The following KLHL26 variants were observed in gnomAD, a reference collection of about 807,000 sequenced individuals.
KLHL26 encodes kelch-like protein 26.
KLHL26 carries 4 observed loss-of-function variants against 7.1 expected under a neutral mutation model. The observed-to-expected ratio is 0.56, with a 90% CI of 0.28 to 1.28. The LOEUF (loss-of-function observed/expected upper bound fraction) is 1.28, where lower values mean the gene tolerates loss of function less well. Among genes scored for constraint, KLHL26 ranks in the 50% most tolerant of loss-of-function variants. The pLI, the probability that KLHL26 is intolerant of heterozygous loss-of-function variation, is 0.11. For synonymous variants in KLHL26, 465 were observed against 414.1 expected, an observed-to-expected ratio of 1.12 and a Z score of -1.49; for missense variants, 896 against 924.6, an observed-to-expected ratio of 0.97 and a Z score of 0.40.
intron 1 of KLHL26, among the ~76,000 whole-genome samples, chr19:18,652,313 G>A (rs1358291713): frequency 6.6e-6 from 1 of 151,826 alleles, no homozygotes; most frequent in African/African-American, 2.4e-5. Flanking sequence ...CAGCAGGCCA[G>A]GTGCGGTGGC....
At position 18,649,757 on chromosome 19, in the gene KLHL26, G is replaced by A. The variant is rs754245; in HGVS notation, c.83+12620G>A. Reference sequence around the variant, plus strand: ...TAACCCCAGCCTCCAGTCCCTTCCTGCCCCCCACCCCGCCCCTTCCACATG... The same window carrying A: ...TAACCCCAGCCTCCAGTCCCTTCCTACCCCCCACCCCGCCCCTTCCACATG... On this transcript the variant is annotated intron_variant, in intron 1 of 2. Coordinates refer to ENST00000300976, the MANE Select transcript of KLHL26 (RefSeq NM_018316.3). This position sits in a 1 kb window ranked among gnomAD's most constrained non-coding sequence, Gnocchi z 4.0. 0.06 allele frequency among the ~76,000 whole-genome samples: 9,098 copies of A among 151,940 alleles called. 345 individuals carry two copies. The highest frequency in any genetic ancestry group is 0.084 in the Non-Finnish European group (5,721 of 67,950).
rs2052340731 is a variant in KLHL26 at position 18,656,964 on chromosome 19, G to A, written c.84-7297G>A. Among the ~76,000 whole-genome samples, 1 of 151,334 alleles carries A rather than the reference G, an allele frequency of 6.6e-6. No individual in the cohort carries two copies. The highest frequency in any genetic ancestry group is 2.1e-4 in the South Asian group (1 of 4,774). ...CTGAGTCTCTGTCCCTCTCTCCCTG[G>A]GTCTCTGTCTCCCTGTCTCTGGGTC... On this transcript the variant is annotated intron_variant, in intron 1 of 2. Coordinates refer to ENST00000300976, the MANE Select transcript of KLHL26 (RefSeq NM_018316.3). The surrounding 1 kb of genome is among the most constrained non-coding windows in gnomAD (Gnocchi z 4.4).
rs1445870892 is a variant in KLHL26 at position 18,648,139 on chromosome 19, C to T, written c.83+11002C>T. ...TTCCCAGCACATTGGGAGGCCAAGG[C>T]GGGTAGATCACTTGAGGTCAGGAGT... On this transcript the variant is annotated intron_variant, in intron 1 of 2. Coordinates refer to ENST00000300976, the MANE Select transcript of KLHL26 (RefSeq NM_018316.3). This position sits in a 1 kb window ranked among gnomAD's most constrained non-coding sequence, Gnocchi z 4.9. Among the ~76,000 whole-genome samples the T allele has an allele frequency of 3.9e-5, 6 of 152,122 alleles. No homozygotes were observed. Among genetic ancestry groups the T allele is most frequent in the African/African-American group, 1.2e-4 (5 of 41,420 alleles).
intron 2 of KLHL26, among the ~76,000 whole-genome samples, chr19:18,666,858 G>A (rs1443756891): frequency 2.0e-5 from 3 of 152,202 alleles, no homozygotes; most frequent in Non-Finnish European, 2.9e-5. Flanking sequence ...TGTGGTGCAT[G>A]GCACCTCCAG....
At chr19:18,659,983 C>A (rs947328710) in intron 1 of KLHL26, among the ~76,000 whole-genome samples, 1 of 152,336 alleles carries the variant, frequency 6.6e-6, no homozygotes, top group South Asian at 2.1e-4. Context: ...GAGGGCCCCA[C>A]GAAAGAACAG....
intron 1 of KLHL26, among the ~76,000 whole-genome samples, chr19:18,647,400 C>T (rs1033813288): frequency 1.3e-5 from 2 of 152,232 alleles, no homozygotes; most frequent in Admixed American, 6.5e-5. Context: ...TCCTCAGACA[C>T]TGTAAAAGGG....
At position 18,668,637 on chromosome 19, in the gene KLHL26, A is replaced by G. The variant is rs2052485750; in HGVS notation, c.1240A>G (p.Met414Val). The G allele has an allele frequency of 1.3e-6, 2 of 1,579,290 alleles. No individual in the cohort carries two copies. The highest frequency in any genetic ancestry group is 1.7e-6 in the Non-Finnish European group (2 of 1,169,066). Residue 414 changes from methionine to valine, a missense_variant, in exon 3 of 3, where the codon ATG becomes GTG. Met to Val is a conservative substitution (Grantham distance 21, BLOSUM62 1). Transcript: ENST00000300976. ...IQFQLNVLCG[M>V]VYATGGRNRA... ...GTTCCAGCTGAACGTGCTGTGCGGC[A>G]TGGTGTACGCCACGGGCGGCCGCAA...
At position 18,668,497 on chromosome 19, in the gene KLHL26, G is replaced by C; in HGVS notation, c.1100G>C (p.Gly367Ala). Residue 367 changes from glycine to alanine, a missense_variant, in exon 3 of 3, where the codon GGG (glycine) becomes GCG (alanine). Coordinates refer to ENST00000300976, the MANE Select transcript of KLHL26 (RefSeq NM_018316.3). ...AVLDNFVYVA[G>A]GQHLQYRSGE... ...CTGGACAATTTTGTGTACGTGGCCG[G>C]GGGGCAGCACCTGCAGTACCGCAGC... 6.2e-7 allele frequency: 1 copy of C among 1,606,282 alleles called. No homozygotes were observed. Among genetic ancestry groups the C allele is most frequent in the East Asian group, 2.2e-5 (1 of 44,802 alleles).
rs577244589 is a variant in KLHL26 at position 18,637,788 on chromosome 19, C to A, written c.83+651C>A. Among the ~76,000 whole-genome samples the A allele has an allele frequency of 1.9e-4, 29 of 152,142 alleles. No individual in the cohort carries two copies. In the South Asian group the frequency reaches 5.8e-3, roughly 30 times the overall value. The stretch of plus-strand genomic sequence containing the variant: ...ACATACAGAGGGTTCTTCTTTGGGG[C>A]TCCTCCCTTCCATCCCCATGGGGTC... On this transcript the variant is annotated intron_variant, in intron 1 of 2. Coordinates refer to ENST00000300976, the MANE Select transcript of KLHL26 (RefSeq NM_018316.3).
rs773368712 is a variant in KLHL26, at chr19:18,667,703, C to A, written c.306C>A (p.Asp102Glu). 2 of 1,612,920 alleles carry A rather than the reference C, an allele frequency of 1.2e-6. No homozygotes were observed. The highest frequency in any genetic ancestry group is 3.3e-4 in the Middle Eastern group (2 of 6,060). Residue 102 changes from aspartate (D) to glutamate (E), a missense_variant, in exon 3 of 3, where the codon GAC becomes GAA. Coordinates refer to ENST00000300976, the MANE Select transcript of KLHL26 (RefSeq NM_018316.3). ...FTGGMREASQ[D>E]VIELKGVSAR... ...GCGGCATGCGGGAGGCAAGCCAGGA[C>A]GTCATCGAGCTGAAGGGCGTGTCGG...
At chr19:18,665,357 A>G (rs754445081) in intron 2 of KLHL26, among the ~76,000 whole-genome samples, 1 of 152,176 alleles carries the variant, frequency 6.6e-6, no homozygotes, top group Non-Finnish European at 1.5e-5. Context: ...CGCCCAGCCC[A>G]ATCTGTCTTT....
intron 1 of KLHL26, among the ~76,000 whole-genome samples, chr19:18,642,795 C>T (rs1388124672): frequency 6.6e-6 from 1 of 152,126 alleles, no homozygotes; most frequent in East Asian, 1.9e-4. Context: ...TCTGCTTCAG[C>T]CTCCCGAGTA....
chr19:18,661,082 C>T (rs1175628468), intron 1 of KLHL26, among the ~76,000 whole-genome samples: 1 of 152,184 alleles, frequency 6.6e-6, no homozygotes, highest in East Asian at 1.9e-4. Flanking sequence ...TCATCTCATC[C>T]TCCAGCGGCC....
intron 1 of KLHL26, among the ~76,000 whole-genome samples, chr19:18,658,573 G>A (rs2052358514): frequency 7.4e-6 from 1 of 135,388 alleles, no homozygotes; most frequent in Admixed American, 7.5e-5. Context: ...CTGGGTCTCT[G>A]TCTCCCTCTC....
In KLHL26 at chr19:18,667,761, T is replaced by G. The variant is rs1323420933; in HGVS notation, c.364T>G (p.Tyr122Asp). The G allele has an allele frequency of 6.2e-7, 1 of 1,613,318 alleles. No individual in the cohort carries two copies. Among genetic ancestry groups the G allele is most frequent in the South Asian group, 1.1e-5 (1 of 91,086 alleles). The change falls in exon 3 of 3, where the codon TAC (tyrosine) becomes GAC (aspartate). Residue 122 changes from tyrosine (Y) to aspartate (D), a missense_variant. Coordinates refer to ENST00000300976, the MANE Select transcript of KLHL26 (RefSeq NM_018316.3). ...RGLRHIIDFA[Y>D]SAEVTLDLDC... ...CCTGCGGCACATCATCGACTTCGCC[T>G]ACAGCGCCGAGGTGACACTGGACCT...
In KLHL26 at chr19:18,658,347, C is replaced by T. The variant is rs145095058; in HGVS notation, c.84-5914C>T. 2.5e-3 allele frequency among the ~76,000 whole-genome samples: 378 copies of T among 151,992 alleles called. 3 individuals are homozygous for T. The highest frequency in any genetic ancestry group is 8.6e-3 in the African/African-American group (356 of 41,430). ...GTTGGTGGTGGGATTCCAGGCCCCC[C>T]ACAGCTCTGGCACTCGAGCCCCACA... On this transcript the variant is annotated intron_variant, in intron 1 of 2. Transcript: ENST00000300976.
At chr19:18,667,344 TTTTGTTTG>T (rs540628287) in intron 2 of KLHL26, 97 of 407,728 alleles carry the variant, frequency 2.4e-4, no homozygotes, top group African/African-American at 3.5e-4. Context: ...CTTTGCATGT[TTTTGTTTG>T]TTTGTTTGTT....
intron 1 of KLHL26, among the ~76,000 whole-genome samples, chr19:18,652,620 C>T (rs1315255981): frequency 2.7e-5 from 4 of 150,626 alleles, no homozygotes; most frequent in African/African-American, 9.8e-5. Context: ...AGTTGGGCTC[C>T]AGCCCAGTGC....
intron 1 of KLHL26, among the ~76,000 whole-genome samples, chr19:18,659,188 C>T (rs1439024446): frequency 1.3e-5 from 2 of 152,226 alleles, no homozygotes; most frequent in Non-Finnish European, 2.9e-5. Flanking sequence ...CACTCCCTCT[C>T]CGAGTCTCTG....
Sources: allele counts gnomAD v4.1 joint callset (sites outside exome capture counted in the v4.1 genomes callset), GRCh38; gene constraint gnomAD v4.1.1; non-coding constraint Gnocchi (gnomAD v3.1); transcripts MANE v1.5; gene names NCBI Gene and HGNC (gene_info 2026-07-23, HGNC 2026-07-21).